Variants in PPP2R2B observed in about 807,000 individuals in gnomAD.
PPP2R2B encodes the protein serine/threonine-protein phosphatase 2A 55 kDa regulatory subunit B beta isoform.
Under a neutral mutation model 46.0 loss-of-function variants are expected in PPP2R2B, and 5 were observed. The ratio of observed to expected loss-of-function variants is 0.11; its 90% CI spans 0.06 to 0.23. The LOEUF (loss-of-function observed/expected upper bound fraction) is 0.23, where lower values mean the gene tolerates loss of function less well. Ranked by LOEUF, PPP2R2B falls within the 10% of genes least tolerant of loss-of-function variation. PPP2R2B has a pLI of 1.00. For synonymous variants in PPP2R2B, 215 were observed against 206.7 expected, an observed-to-expected ratio of 1.04 and a Z score of -0.34; for missense variants, 367 against 575.0, an observed-to-expected ratio of 0.64 and a Z score of 3.70.
intron 2 of PPP2R2B, among the ~76,000 whole-genome samples, chr5:146,738,708 T>A (rs777584673): frequency 6.6e-6 from 1 of 152,172 alleles, no homozygotes; most frequent in Non-Finnish European, 1.5e-5. Context: ...GAGAGCACCT[T>A]GGTCAGATGT....
intron 1 of PPP2R2B, among the ~76,000 whole-genome samples, chr5:147,005,684 G>A (rs1271042210): frequency 6.6e-6 from 1 of 151,736 alleles, no homozygotes; most frequent in East Asian, 1.9e-4. Context: ...AGAGAGAGAG[G>A]AAGAAACAGA....
At chr5:147,016,210 A>G (rs1236376813) in intron 1 of PPP2R2B, among the ~76,000 whole-genome samples, 3 of 151,392 alleles carry the variant, frequency 2.0e-5, no homozygotes, top group African/African-American at 4.8e-5. Context: ...GCATGATGGT[A>G]TGCATCTGTA....
intron 2 of PPP2R2B, among the ~76,000 whole-genome samples, chr5:146,719,830 T>C (rs999227107): frequency 1.3e-5 from 2 of 150,404 alleles, no homozygotes; most frequent in Non-Finnish European, 2.9e-5. Context: ...AAAGTTTCAT[T>C]TTAAACAATT....
chr5:146,642,949 G>A (rs559968232), intron 6 of PPP2R2B, among the ~76,000 whole-genome samples: 1 of 152,166 alleles, frequency 6.6e-6, no homozygotes, highest in Admixed American at 6.5e-5. Flanking sequence ...TCCAGCTACT[G>A]GGGAGGCTGA....
chr5:146,901,084 T>C (rs1163911699), intron 1 of PPP2R2B, among the ~76,000 whole-genome samples: 1 of 152,204 alleles, frequency 6.6e-6, no homozygotes, highest in East Asian at 1.9e-4. Flanking sequence ...ATAGCAGCTA[T>C]ATTTTCTTAT....
intron 1 of PPP2R2B, among the ~76,000 whole-genome samples, chr5:146,943,533 C>A (rs1582471525): frequency 6.6e-6 from 1 of 152,154 alleles, no homozygotes; most frequent in South Asian, 2.1e-4. Flanking sequence ...AATCTTGACT[C>A]CATTTTAATG....
chr5:146,857,164 T>C (rs1760722957), intron 2 of PPP2R2B, among the ~76,000 whole-genome samples: 1 of 152,108 alleles, frequency 6.6e-6, no homozygotes, highest in South Asian at 2.1e-4. Flanking sequence ...AATGCTCTGG[T>C]GCAGAACAAC....
intron 2 of PPP2R2B, among the ~76,000 whole-genome samples, chr5:147,062,756 G>C (rs560807374): frequency 6.6e-6 from 1 of 151,996 alleles, no homozygotes; most frequent in Admixed American, 6.6e-5. Context: ...TTTGATTAGG[G>C]CTGGGCAAAT....
intron 5 of PPP2R2B, among the ~76,000 whole-genome samples, chr5:146,687,843 GT>G (rs1445680494): frequency 6.6e-6 from 1 of 152,158 alleles, no homozygotes; most frequent in African/African-American, 2.4e-5. Flanking sequence ...TAGCTGTCGG[GT>G]ATTATTAAAT....
At chr5:147,034,614 CT>C (rs1755950347) in intron 1 of PPP2R2B, among the ~76,000 whole-genome samples, 1 of 152,020 alleles carries the variant, frequency 6.6e-6, no homozygotes, top group Admixed American at 6.6e-5. Context: ...AATTTTTTCC[CT>C]ATACCCTGTC....
intron 1 of PPP2R2B, among the ~76,000 whole-genome samples, chr5:146,949,036 G>A (rs1486820613): frequency 6.6e-6 from 1 of 151,978 alleles, no homozygotes; most frequent in East Asian, 1.9e-4. Context: ...GGTAATTCCT[G>A]GCATAAAAGA....
upstream of PPP2R2B, chr5:146,878,933 G>A (rs995270628): frequency 1.1e-5 from 13 of 1,140,144 alleles, no homozygotes; most frequent in African/African-American, 2.2e-4. This position sits in a 1 kb window ranked among gnomAD's most constrained non-coding sequence, Gnocchi z 4.5. Context: ...CGACTAGCTT[G>A]CAGGTTCAGG....
chr5:147,032,211 ACAAT>A (rs910628743), intron 1 of PPP2R2B, among the ~76,000 whole-genome samples: 2 of 152,190 alleles, frequency 1.3e-5, no homozygotes, highest in African/African-American at 4.8e-5. Context: ...AAAAAAACAA[ACAAT>A]CCCATCAAAA....
Position 146,650,769 on chromosome 5 carries a change from CA to C in PPP2R2B, c.448-46del, listed in dbSNP as rs766785389. The C allele has an allele frequency of 5.7e-6, 9 of 1,566,910 alleles. No homozygotes were observed. The East Asian group carries it at 2.0e-4, about 35-fold the overall frequency. Reference sequence around the variant, plus strand: ...AATCACTTCAGAACCAAAGATCTTCCATAGGAAAAGAGTGTGCATGCTAATA... The same window carrying C: ...AATCACTTCAGAACCAAAGATCTTCCTAGGAAAAGAGTGTGCATGCTAATA... On this transcript the variant is annotated intron_variant, in intron 5 of 9. Coordinates refer to ENST00000394411, the MANE Select transcript of PPP2R2B (RefSeq NM_181675.4).
intron 2 of PPP2R2B, among the ~76,000 whole-genome samples, chr5:146,807,603 G>A (rs1757252200): frequency 2.0e-5 from 3 of 152,034 alleles, no homozygotes; most frequent in Admixed American, 2.0e-4. Flanking sequence ...CTATTGTTAT[G>A]TTCATTTCAC....
At chr5:146,932,855 T>C (rs1398030722) in intron 1 of PPP2R2B, among the ~76,000 whole-genome samples, 1 of 152,106 alleles carries the variant, frequency 6.6e-6, no homozygotes, top group Admixed American at 6.6e-5. Flanking sequence ...CAGAGAGATA[T>C]CAAATGCTGA....
chr5:147,025,919 C>G (rs2151888155), intron 1 of PPP2R2B, among the ~76,000 whole-genome samples: 2 of 152,126 alleles, frequency 1.3e-5, no homozygotes, highest in South Asian at 2.1e-4. Context: ...TAAATTCAAA[C>G]TGCAGTAAAA....
At chr5:146,872,710 G>A (rs1761685004) in intron 2 of PPP2R2B, among the ~76,000 whole-genome samples, 1 of 151,962 alleles carries the variant, frequency 6.6e-6, no homozygotes, top group Admixed American at 6.6e-5. Flanking sequence ...ATCCAAGACT[G>A]GACTCTTCTT....
chr5:146,866,299 T>TTATTGTATTG (rs1364415531), intron 2 of PPP2R2B, among the ~76,000 whole-genome samples: 1 of 152,152 alleles, frequency 6.6e-6, no homozygotes, highest in Non-Finnish European at 1.5e-5. Context: ...TACAGAAAAA[T>TTATTGTATTG]TATTGTATTG....
Sources: allele counts gnomAD v4.1 joint callset (sites outside exome capture counted in the v4.1 genomes callset), GRCh38; gene constraint gnomAD v4.1.1; non-coding constraint Gnocchi (gnomAD v3.1); transcripts MANE v1.5; gene names NCBI Gene and HGNC (gene_info 2026-07-23, HGNC 2026-07-21).